Variants in XKR4 observed in about 807,000 individuals in gnomAD.
The protein encoded by XKR4 is XK-related protein 4.
A neutral mutation model predicts 53.9 loss-of-function variants in XKR4; 12 were observed. That is an observed-to-expected ratio of 0.22 (90% CI 0.14 to 0.36). The LOEUF (loss-of-function observed/expected upper bound fraction) is 0.36. Ranked by LOEUF, XKR4 falls within the 10% of genes least tolerant of loss-of-function variation. The pLI is 1.00. For synonymous variants in XKR4, 354 were observed against 362.4 expected, an observed-to-expected ratio of 0.98 and a Z score of 0.26; for missense variants, 799 against 859.5, an observed-to-expected ratio of 0.93 and a Z score of 0.88.
At chr8:55,237,046 A>G (rs1489822679) in intron 1 of XKR4, among the ~76,000 whole-genome samples, 2 of 152,174 alleles carry the variant, frequency 1.3e-5, no homozygotes, top group African/African-American at 4.8e-5. Flanking sequence ...GTCTAGTTCA[A>G]TTGTTCCTCT....
At chr8:55,334,772 AC>A (rs1803434837) in intron 1 of XKR4, among the ~76,000 whole-genome samples, 1 of 152,200 alleles carries the variant, frequency 6.6e-6, no homozygotes, top group Non-Finnish European at 1.5e-5. Flanking sequence ...ACTGTCTTCC[AC>A]AGGAGGAAGT....
chr8:55,426,151 A>G (rs1440255918), intron 2 of XKR4, among the ~76,000 whole-genome samples: 1 of 152,208 alleles, frequency 6.6e-6, no homozygotes, highest in East Asian at 1.9e-4. Flanking sequence ...TTCTTCACAA[A>G]CATGGAAATG....
chr8:55,218,737 C>A (rs557228121), intron 1 of XKR4, among the ~76,000 whole-genome samples: 1 of 152,254 alleles, frequency 6.6e-6, no homozygotes, highest in East Asian at 1.9e-4. Context: ...CTATCATATT[C>A]TTTGAAGTAA....
chr8:55,167,334 T>A (rs1254403898), intron 1 of XKR4, among the ~76,000 whole-genome samples: 1 of 152,222 alleles, frequency 6.6e-6, no homozygotes, highest in African/African-American at 2.4e-5. Flanking sequence ...TTGCAGTGAG[T>A]CTGGGTTTGT....
At chr8:55,276,182 C>G (rs572434265) in intron 1 of XKR4, among the ~76,000 whole-genome samples, 1 of 152,246 alleles carries the variant, frequency 6.6e-6, no homozygotes, top group Admixed American at 6.5e-5. Context: ...CATTCTTTTC[C>G]TGGGTCTCTT....
chr8:55,295,654 A>T (rs1819091074), intron 1 of XKR4, among the ~76,000 whole-genome samples: 1 of 152,216 alleles, frequency 6.6e-6, no homozygotes, highest in Non-Finnish European at 1.5e-5. Flanking sequence ...GCACTTACTG[A>T]TCTGACCCTT....
rs1447960833 is a variant in XKR4, at chr8:55,526,496, T to C, written c.*2269T>C. On this transcript the variant is annotated 3_prime_UTR_variant, in exon 3 of 3. Transcript: ENST00000327381. ...CAGTAAAGGCCCAGGAAAAGGCTCT[T>C]CTTGTCAGCACATGGTGAAAACATT... 1 of 152,224 alleles carries C rather than the reference T, an allele frequency of 6.6e-6. No homozygotes were observed. 9.4% of individuals were successfully genotyped at this position (152,224 alleles called of 1,614,324 possible).
At chr8:55,178,361 A>G (rs547005166) in intron 1 of XKR4, among the ~76,000 whole-genome samples, 2 of 151,834 alleles carry the variant, frequency 1.3e-5, no homozygotes, top group African/African-American at 4.8e-5. Context: ...ACTGTGCCAG[A>G]CTCTCCCCGT....
At chr8:55,392,108 A>G (rs1312066977) in intron 2 of XKR4, among the ~76,000 whole-genome samples, 3 of 152,182 alleles carry the variant, frequency 2.0e-5, no homozygotes, top group Non-Finnish European at 4.4e-5. Flanking sequence ...ACTTGTCAGG[A>G]TGAGCTCATG....
chr8:55,366,213 A>C (rs1428711588), intron 2 of XKR4, among the ~76,000 whole-genome samples: 1 of 152,250 alleles, frequency 6.6e-6, no homozygotes, highest in African/African-American at 2.4e-5. Flanking sequence ...CCGGGCAGCC[A>C]GCCAGTCAGG....
chr8:55,254,653 CCTGGAGG>C (rs1818409248), intron 1 of XKR4, among the ~76,000 whole-genome samples: 1 of 152,124 alleles, frequency 6.6e-6, no homozygotes, highest in Non-Finnish European at 1.5e-5. Flanking sequence ...TCAGGTTGTG[CCTGGAGG>C]CTGGGGAACG....
chr8:55,296,531 AT>A (rs538486584), intron 1 of XKR4, among the ~76,000 whole-genome samples: 3 of 152,070 alleles, frequency 2.0e-5, no homozygotes, highest in South Asian at 2.1e-4. Flanking sequence ...TGCCAATACT[AT>A]TTTTTTTCTT....
intron 1 of XKR4, among the ~76,000 whole-genome samples, chr8:55,281,326 A>G (rs1818841942): frequency 6.6e-6 from 1 of 152,240 alleles, no homozygotes; most frequent in African/African-American, 2.4e-5. Context: ...TTCATCAAAT[A>G]GTCACACATA....
At chr8:55,371,837 A>G (rs887319715) in intron 2 of XKR4, among the ~76,000 whole-genome samples, 29 of 152,356 alleles carry the variant, frequency 1.9e-4, no homozygotes, top group African/African-American at 7.0e-4. Flanking sequence ...AATCAGCTCT[A>G]TGGTATATCA....
At chr8:55,291,625 GGTA>G (rs1440918857) in intron 1 of XKR4, among the ~76,000 whole-genome samples, 1 of 152,146 alleles carries the variant, frequency 6.6e-6, no homozygotes, top group Non-Finnish European at 1.5e-5. Flanking sequence ...GACTGTAAGA[GGTA>G]ATAATGTTAG....
chr8:55,373,634 A>G (rs1466726047), intron 2 of XKR4, among the ~76,000 whole-genome samples: 1 of 152,240 alleles, frequency 6.6e-6, no homozygotes, highest in Non-Finnish European at 1.5e-5. Flanking sequence ...ACATTGAGTT[A>G]AAATTCATAT....
chr8:55,396,470 T>G (rs987452708), intron 2 of XKR4, among the ~76,000 whole-genome samples: 4 of 140,754 alleles, frequency 2.8e-5, no homozygotes, highest in Non-Finnish European at 4.5e-5. Flanking sequence ...GGGGATCAAT[T>G]TGAGAGCTTC....
rs4737948 is a variant in XKR4, at chr8:55,216,980, C to T, written c.806+113686C>T. ...AGTCCTTGCCAGGCGCAGTGGCTTA[C>T]GCCTATAATCTCAGCACTTTGGGAG... On this transcript the variant is annotated intron_variant, in intron 1 of 2. Transcript: ENST00000327381. Among the ~76,000 whole-genome samples the T allele has an allele frequency of 7.7e-3, 1,167 of 151,302 alleles. 8 individuals are homozygous for T. Among genetic ancestry groups the T allele is most frequent in the Admixed American group, 0.018 (273 of 15,224 alleles).
chr8:55,507,332 T>C (rs183366119), intron 2 of XKR4, among the ~76,000 whole-genome samples: 145 of 151,726 alleles, frequency 9.6e-4, no homozygotes, highest in African/African-American at 3.2e-3. Flanking sequence ...TCCATTTTCT[T>C]TTTTTTTATT....
Sources: allele counts gnomAD v4.1 joint callset (sites outside exome capture counted in the v4.1 genomes callset), GRCh38; gene constraint gnomAD v4.1.1; transcripts MANE v1.5; gene names NCBI Gene and HGNC (gene_info 2026-07-23, HGNC 2026-07-21).